Variants in GYS2 observed in about 807,000 individuals in gnomAD.
GYS2 encodes the protein glycogen synthase 2, also known as glycogen [starch] synthase, liver.
GYS2 carries 80 observed loss-of-function variants against 85.6 expected under a neutral mutation model. That is an observed-to-expected ratio of 0.93 (90% confidence interval 0.78 to 1.13). The LOEUF (loss-of-function observed/expected upper bound fraction) is 1.13, where lower values mean the gene tolerates loss of function less well. Ranked by LOEUF, GYS2 falls within the 50% of genes most tolerant of loss-of-function variation. The pLI is 0.00. For synonymous variants in GYS2, 328 were observed against 300.7 expected (o/e 1.09, Z -0.94); for missense variants, 881 against 854.9 (o/e 1.03, Z -0.38).
At chr12:21,566,743 C>T (rs1258792546) in intron 5 of GYS2, among the ~76,000 whole-genome samples, 1 of 152,124 alleles carries the variant, frequency 6.6e-6, no homozygotes, top group Non-Finnish European at 1.5e-5. Context: ...AGATAAGACA[C>T]AGAGAGCTTA....
At chr12:21,537,474 G>C in intron 15 of GYS2, 1 of 372,714 alleles carries the variant, frequency 2.7e-6, no homozygotes, top group Non-Finnish European at 5.0e-6. Flanking sequence ...AGAAAATGGA[G>C]GGTTAGAGGG....
intron 1 of GYS2, among the ~76,000 whole-genome samples, chr12:21,587,262 C>G (rs1944584610): frequency 6.6e-6 from 1 of 152,126 alleles, no homozygotes; most frequent in South Asian, 2.1e-4. Flanking sequence ...AGGTGATGGT[C>G]CACTAAAAGC....
intron 12 of GYS2, among the ~76,000 whole-genome samples, chr12:21,544,123 C>A (rs185187863): frequency 6.6e-6 from 1 of 151,988 alleles, no homozygotes. Flanking sequence ...TCTAGTAACA[C>A]GTAAAAAGAT....
At chr12:21,576,111 C>T (rs961923385) in intron 2 of GYS2, 54 bp from the exon 3 acceptor site, 1 of 1,394,928 alleles carries the variant, frequency 7.2e-7, no homozygotes, top group African/African-American at 1.4e-5. Flanking sequence ...CAAGACAGGA[C>T]AATGTATTTG....
intron 1 of GYS2, among the ~76,000 whole-genome samples, chr12:21,603,460 T>C (rs1944775077): frequency 6.6e-6 from 1 of 152,158 alleles, no homozygotes; most frequent in Non-Finnish European, 1.5e-5. Flanking sequence ...ATGCTGGCTC[T>C]GATTAGCCAA....
chr12:21,590,722 A>G (rs1385266655), intron 1 of GYS2, among the ~76,000 whole-genome samples: 1 of 152,186 alleles, frequency 6.6e-6, no homozygotes, highest in Non-Finnish European at 1.5e-5. Context: ...GTACACAGCC[A>G]TGGGGCCCAA....
chr12:21,565,714 A>C (rs944614840), intron 5 of GYS2, among the ~76,000 whole-genome samples: 4 of 151,640 alleles, frequency 2.6e-5, no homozygotes, highest in Non-Finnish European at 5.9e-5. Context: ...CAAAATATTG[A>C]CCTTGAAAAA....
At chr12:21,542,924 C>T (rs1183854451) in intron 12 of GYS2, among the ~76,000 whole-genome samples, 1 of 152,206 alleles carries the variant, frequency 6.6e-6, no homozygotes, top group East Asian at 1.9e-4. Context: ...CTGCCGGGCT[C>T]CACTGCAGCT....
chr12:21,546,438 G>A lies in GYS2; in HGVS notation c.1455C>T (p.Thr485=), dbSNP rs747123194. ...CATAGTCCATGGGTAGTAAGGGACTGGTGGAGGATAGAAACTCTGGGTGCA... is the reference window on the plus strand; with the variant it reads ...CATAGTCCATGGGTAGTAAGGGACTAGTGGAGGATAGAAACTCTGGGTGCA... The part of the protein sequence containing the change: ...VILHPEFLSS[T]SPLLPMDYEE... The change falls in exon 12 of 16, where the codon ACC becomes ACT. Residue 485 remains threonine, a synonymous_variant. Coordinates refer to ENST00000261195, the MANE Select transcript of GYS2 (RefSeq NM_021957.4). 6.9e-6 allele frequency: 11 copies of A among 1,593,684 alleles called. No individual in the cohort carries two copies. The highest frequency in any genetic ancestry group is 9.5e-6 in the Non-Finnish European group (11 of 1,162,742).
At chr12:21,555,876 C>A (rs1944173382) in intron 11 of GYS2, among the ~76,000 whole-genome samples, 1 of 152,150 alleles carries the variant, frequency 6.6e-6, no homozygotes, top group Non-Finnish European at 1.5e-5. Context: ...GGACCCAGAT[C>A]AAAAACATGG....
downstream of GYS2, among the ~76,000 whole-genome samples, chr12:21,533,544 A>T (rs553783061): frequency 9.2e-5 from 14 of 152,190 alleles, no homozygotes; most frequent in Non-Finnish European, 1.9e-4. Context: ...ACTGTGTGAA[A>T]TGGGCCATTT....
intron 11 of GYS2, among the ~76,000 whole-genome samples, chr12:21,557,670 C>T (rs1251138991): frequency 2.6e-5 from 4 of 152,066 alleles, no homozygotes; most frequent in Admixed American, 6.5e-5. Flanking sequence ...GAGGCCGAGG[C>T]AGGTGGATCA....
intron 1 of GYS2, among the ~76,000 whole-genome samples, chr12:21,599,735 A>AT (rs1944734395): frequency 6.6e-6 from 1 of 152,060 alleles, no homozygotes; most frequent in Admixed American, 6.6e-5. Flanking sequence ...ATGTATACAT[A>AT]TTTTTTCCTA....
chr12:21,565,391 AT>A, intron 5 of GYS2, among the ~76,000 whole-genome samples: 1 of 1,270 alleles, frequency 7.9e-4, no homozygotes, highest in South Asian at 0.036. Flanking sequence ...CATCCATGAA[AT>A]ATATATATAT....
intron 11 of GYS2, among the ~76,000 whole-genome samples, chr12:21,557,715 T>C (rs1056114660): frequency 6.6e-6 from 1 of 152,082 alleles, no homozygotes. Context: ...CTGGCTTACA[T>C]GGTGAAACCC....
At chr12:21,535,674 C>T (rs1434466387), downstream of GYS2, among the ~76,000 whole-genome samples, 1 of 152,148 alleles carries the variant, frequency 6.6e-6, no homozygotes, top group East Asian at 1.9e-4. Context: ...GACACCTTGT[C>T]GTTGCTGCTA....
At chr12:21,576,081 T>C (rs1235573386) in intron 2 of GYS2, 24 bp from the exon 3 acceptor site, 10 of 1,580,608 alleles carry the variant, frequency 6.3e-6, no homozygotes, top group African/African-American at 1.3e-5. Context: ...AACACAGCCA[T>C]GTAGTGATAT....
At chr12:21,549,691 T>G (rs1483517245) in intron 11 of GYS2, among the ~76,000 whole-genome samples, 1 of 152,218 alleles carries the variant, frequency 6.6e-6, no homozygotes, top group Non-Finnish European at 1.5e-5. Context: ...TTACGCTTCT[T>G]CATAATTAGA....
intron 15 of GYS2, 84 bp downstream of exon 15, chr12:21,539,174 C>A: frequency 1.3e-6 from 1 of 794,154 alleles, no homozygotes; most frequent in Non-Finnish European, 2.2e-6. Context: ...AGCTTGTGTG[C>A]ATAGCTACTT....
Sources: allele counts gnomAD v4.1 joint callset (sites outside exome capture counted in the v4.1 genomes callset), GRCh38; gene constraint gnomAD v4.1.1; transcripts MANE v1.5; gene names NCBI Gene and HGNC (gene_info 2026-07-23, HGNC 2026-07-21).